Variants in ANGPT1 observed in about 807,000 individuals in gnomAD.
ANGPT1 encodes the protein angiopoietin 1.
A neutral mutation model predicts 62.2 loss-of-function variants in ANGPT1; 17 were observed. That is an observed-to-expected ratio of 0.27 (90% CI 0.19 to 0.41). The LOEUF is 0.41. ANGPT1 is among the 10% of genes least tolerant of loss of function. ANGPT1 has a pLI of 1.00. For synonymous variants in ANGPT1, 199 were observed against 198.9 expected (o/e 1.00, Z 0.00); for missense variants, 478 against 594.9 (o/e 0.80, Z 2.04).
At chr8:107,456,146 G>A (rs770120191) in intron 1 of ANGPT1, among the ~76,000 whole-genome samples, 2 of 152,026 alleles carry the variant, frequency 1.3e-5, no homozygotes, top group Non-Finnish European at 2.9e-5. Context: ...GCTCAAAAAT[G>A]TCCTTTGTGT....
intron 1 of ANGPT1, among the ~76,000 whole-genome samples, chr8:107,419,267 C>G (rs1810833461): frequency 6.6e-6 from 1 of 152,122 alleles, no homozygotes; most frequent in African/African-American, 2.4e-5. Flanking sequence ...CCCTTCTCCC[C>G]TGAAGCAGGC....
At chr8:107,407,555 C>T (rs573056505) in intron 1 of ANGPT1, among the ~76,000 whole-genome samples, 20 of 152,280 alleles carry the variant, frequency 1.3e-4, no homozygotes, top group African/African-American at 4.3e-4. Context: ...GCTCTGCACC[C>T]TTAGCCCATT....
intron 3 of ANGPT1, among the ~76,000 whole-genome samples, chr8:107,324,395 C>T (rs1213634363): frequency 1.3e-5 from 2 of 151,902 alleles, no homozygotes; most frequent in Non-Finnish European, 2.9e-5. Context: ...AGAGACAGAT[C>T]AGATGTGCAC....
At chr8:107,274,940 C>G (rs1236020739) in intron 7 of ANGPT1, among the ~76,000 whole-genome samples, 4 of 152,052 alleles carry the variant, frequency 2.6e-5, no homozygotes, top group African/African-American at 9.7e-5. Flanking sequence ...GTGATGTGTA[C>G]TCTGATAAAG....
chr8:107,409,337 C>T (rs1401214537), intron 1 of ANGPT1, among the ~76,000 whole-genome samples: 1 of 152,128 alleles, frequency 6.6e-6, no homozygotes, highest in Admixed American at 6.6e-5. Flanking sequence ...CACAATCAGA[C>T]TTTCTTACTG....
chr8:107,455,197 C>A (rs1400012630), intron 1 of ANGPT1, among the ~76,000 whole-genome samples: 1 of 152,022 alleles, frequency 6.6e-6, no homozygotes, highest in African/African-American at 2.4e-5. Context: ...CTTAGCAGAG[C>A]CTTTCGTGAT....
At chr8:107,385,400 T>C (rs1816713936) in intron 1 of ANGPT1, among the ~76,000 whole-genome samples, 1 of 152,100 alleles carries the variant, frequency 6.6e-6, no homozygotes, top group Non-Finnish European at 1.5e-5. Flanking sequence ...CTACTGTGAA[T>C]AGGACCGCAT....
Position 107,320,525 on chromosome 8 carries a change from C to T in ANGPT1, c.808+1371G>A, listed in dbSNP as rs897396406. On this transcript the variant is annotated intron_variant, in intron 4 of 8. Coordinates refer to ENST00000517746, the MANE Select transcript of ANGPT1 (RefSeq NM_001146.5). The stretch of plus-strand genomic sequence containing the variant: ...TATTAATACTTAATCGTTAAATACT[C>T]ATGAGTTCTATTAAAATTCTCTGGC... 2.0e-5 allele frequency among the ~76,000 whole-genome samples: 3 copies of T among 152,102 alleles called. No homozygotes were observed. The South Asian group carries it at 6.2e-4, about 32-fold the overall frequency.
At chr8:107,348,422 TA>T (rs1815858615) in intron 1 of ANGPT1, among the ~76,000 whole-genome samples, 1 of 152,182 alleles carries the variant, frequency 6.6e-6, no homozygotes, top group Non-Finnish European at 1.5e-5. Flanking sequence ...TGTCCCATGC[TA>T]ACAAAAATGG....
At chr8:107,286,312 GATTTGCTCAATAAAAGCAA>G (rs1814139440) in intron 6 of ANGPT1, among the ~76,000 whole-genome samples, 1 of 152,070 alleles carries the variant, frequency 6.6e-6, no homozygotes, top group South Asian at 2.1e-4. Context: ...TAAATATCCG[GATTTGCTCAATAAAAGCAA>G]ATTAGTAAAA....
At position 107,444,629 on chromosome 8, in the gene ANGPT1, A is replaced by G. The variant is rs574872482; in HGVS notation, c.297+52633T>C. On this transcript the variant is annotated intron_variant, in intron 1 of 8. Transcript: ENST00000517746. The stretch of plus-strand genomic sequence containing the variant: ...GGTAAGTTAAGCTGGTATGAAGTCA[A>G]AAGACATAGAGACTGACAGACTCTG... 7.2e-5 allele frequency among the ~76,000 whole-genome samples: 11 copies of G among 152,330 alleles called. No homozygotes were observed. In the East Asian group the frequency reaches 2.1e-3, roughly 29 times the overall value.
At chr8:107,337,124 G>A (rs749022376) in intron 2 of ANGPT1, among the ~76,000 whole-genome samples, 12 of 152,140 alleles carry the variant, frequency 7.9e-5, no homozygotes, top group Non-Finnish European at 1.6e-4. Flanking sequence ...CTTTACAAAT[G>A]AGAAAACTGA....
intron 2 of ANGPT1, among the ~76,000 whole-genome samples, chr8:107,340,216 G>GA (rs1174287950): frequency 7.3e-5 from 11 of 150,014 alleles, no homozygotes; most frequent in South Asian, 2.1e-4. Flanking sequence ...CATCTTTGGG[G>GA]AAAAAAAAAG....
chr8:107,417,137 T>A (rs1224106510), intron 1 of ANGPT1, among the ~76,000 whole-genome samples: 1 of 152,098 alleles, frequency 6.6e-6, no homozygotes, highest in Non-Finnish European at 1.5e-5. Flanking sequence ...AGAGTATATT[T>A]TTAGTGTCTA....
At chr8:107,324,023 C>T (rs1368661363) in intron 3 of ANGPT1, among the ~76,000 whole-genome samples, 1 of 151,720 alleles carries the variant, frequency 6.6e-6, no homozygotes, top group Non-Finnish European at 1.5e-5. Context: ...TTGTGATCTG[C>T]CCGCCTCGGC....
intron 4 of ANGPT1, among the ~76,000 whole-genome samples, chr8:107,313,441 T>TTG (rs1446682223): frequency 1.9e-4 from 24 of 126,176 alleles, no homozygotes; most frequent in Non-Finnish European, 3.5e-4. Flanking sequence ...TTTTTTTTTT[T>TTG]TTTTTTTTTT....
chr8:107,287,479 G>C (rs931923728), intron 6 of ANGPT1, among the ~76,000 whole-genome samples: 5 of 152,168 alleles, frequency 3.3e-5, no homozygotes, highest in Admixed American at 2.0e-4. Flanking sequence ...AACTGTCCAA[G>C]CATGCTCTAG....
At chr8:107,431,033 T>A (rs2130404170) in intron 1 of ANGPT1, among the ~76,000 whole-genome samples, 1 of 152,360 alleles carries the variant, frequency 6.6e-6, no homozygotes, top group Admixed American at 6.5e-5. Flanking sequence ...CTAATTGCTA[T>A]CTGAACTTGG....
At chr8:107,400,199 G>A (rs1055476394) in intron 1 of ANGPT1, among the ~76,000 whole-genome samples, 3 of 152,170 alleles carry the variant, frequency 2.0e-5, no homozygotes, top group African/African-American at 7.2e-5. Flanking sequence ...ACATTTCAAA[G>A]TACATTTGGT....
Sources: allele counts gnomAD v4.1 joint callset (sites outside exome capture counted in the v4.1 genomes callset), GRCh38; gene constraint gnomAD v4.1.1; transcripts MANE v1.5; gene names NCBI Gene and HGNC (gene_info 2026-07-23, HGNC 2026-07-21).